Variants in TMEM132D observed in about 807,000 individuals in gnomAD.
TMEM132D encodes mature OL transmembrane protein.
In TMEM132D, 21 loss-of-function variants were observed where a neutral mutation model predicts 62.3. The observed-to-expected ratio is 0.34, with a 90% CI of 0.24 to 0.49. The LOEUF (loss-of-function observed/expected upper bound fraction) is 0.49. Ranked by LOEUF, TMEM132D falls within the 20% of genes least tolerant of loss-of-function variation. The probability of loss-of-function intolerance (pLI) is 0.99; values close to 1 mark genes in which losing one functional copy is unlikely to be tolerated. For missense variants in TMEM132D, 1,346 were observed against 1,402.8 expected, an observed-to-expected ratio of 0.96 and a Z score of 0.65; for synonymous variants, 621 against 575.6, an observed-to-expected ratio of 1.08 and a Z score of -1.13.
rs150672060 is a variant in TMEM132D, at chr12:129,134,166, C to CTG, written c.1444-49466_1444-49465dup. ...TGTGTGTCTGTGTCTGTGTGTGTGT[C>CTG]TGTGTGTGTGTGTCTGTGTGTCTGT... On this transcript the variant is annotated intron_variant, in intron 5 of 8. Coordinates refer to ENST00000422113, the MANE Select transcript of TMEM132D (RefSeq NM_133448.3). Among the ~76,000 whole-genome samples, 7 of 137,978 alleles carry CTG rather than the reference C, an allele frequency of 5.1e-5. No individual in the cohort carries two copies. The East Asian group carries it at 1.1e-3, about 22-fold the overall frequency. 90.5% of individuals were successfully genotyped at this position (137,978 alleles called of 152,430 possible).
At chr12:129,446,892 C>A (rs1454292070) in intron 3 of TMEM132D, among the ~76,000 whole-genome samples, 1 of 152,218 alleles carries the variant, frequency 6.6e-6, no homozygotes, top group Non-Finnish European at 1.5e-5. Context: ...CTGGCATTAA[C>A]TGTCTTTAGG....
chr12:129,146,434 C>A (rs1226996259), intron 5 of TMEM132D, among the ~76,000 whole-genome samples: 1 of 152,190 alleles, frequency 6.6e-6, no homozygotes, highest in Non-Finnish European at 1.5e-5. Context: ...ATTGTCAGAT[C>A]CATTTCTACC....
chr12:129,352,622 AAAG>A (rs1350272775), intron 3 of TMEM132D, among the ~76,000 whole-genome samples: 1 of 152,190 alleles, frequency 6.6e-6, no homozygotes, highest in Non-Finnish European at 1.5e-5. Context: ...ACCCTTCTCA[AAAG>A]AAGACATTTA....
At chr12:129,221,890 A>G (rs1265370680) in intron 4 of TMEM132D, among the ~76,000 whole-genome samples, 1 of 152,164 alleles carries the variant, frequency 6.6e-6, no homozygotes. Context: ...CATAAGAGCT[A>G]TTAGTTGACC....
intron 1 of TMEM132D, among the ~76,000 whole-genome samples, chr12:129,703,592 T>C (rs1336163347): frequency 6.6e-6 from 1 of 152,140 alleles, no homozygotes; most frequent in African/African-American, 2.4e-5. Context: ...AAGGACATGA[T>C]TTTTATTTAA....
intron 4 of TMEM132D, among the ~76,000 whole-genome samples, chr12:129,281,027 T>A (rs7302528): frequency 6.6e-6 from 1 of 151,976 alleles, no homozygotes; most frequent in East Asian, 1.9e-4. Context: ...CTTTCTCTGG[T>A]GAATATGAAA....
At chr12:129,696,153 A>G (rs943254678) in intron 2 of TMEM132D, among the ~76,000 whole-genome samples, 1 of 152,162 alleles carries the variant, frequency 6.6e-6, no homozygotes, top group African/African-American at 2.4e-5. Context: ...TACCAAAACC[A>G]CCAAAGAATA....
intron 1 of TMEM132D, among the ~76,000 whole-genome samples, chr12:129,862,218 T>C (rs565612798): frequency 1.3e-5 from 2 of 152,322 alleles, no homozygotes; most frequent in South Asian, 4.1e-4. Flanking sequence ...TGTTGGCCAG[T>C]TACAGAATGG....
intron 2 of TMEM132D, among the ~76,000 whole-genome samples, chr12:129,571,521 G>C (rs753695814): frequency 6.6e-5 from 10 of 152,038 alleles, no homozygotes; most frequent in Non-Finnish European, 1.3e-4. Flanking sequence ...GCAGTGAGCT[G>C]AGACCACTGC....
At chr12:129,230,293 T>A (rs1261768739) in intron 4 of TMEM132D, among the ~76,000 whole-genome samples, 1 of 146,486 alleles carries the variant, frequency 6.8e-6, no homozygotes, top group Non-Finnish European at 1.5e-5. Flanking sequence ...CTTCCTAAAC[T>A]CCTTCTGTGT....
intron 2 of TMEM132D, among the ~76,000 whole-genome samples, chr12:129,672,821 C>A (rs1880531636): frequency 6.6e-6 from 1 of 152,330 alleles, no homozygotes; most frequent in South Asian, 2.1e-4. Flanking sequence ...TATCTCGGCT[C>A]ACTGCAACCT....
At position 129,161,589 on chromosome 12, in the gene TMEM132D, A is replaced by C. The variant is rs371270259; in HGVS notation, c.1443+47931T>G. Among the ~76,000 whole-genome samples, 8 of 152,182 alleles carry C rather than the reference A, an allele frequency of 5.3e-5. No homozygotes were observed. In the East Asian group the frequency reaches 5.8e-4, roughly 11 times the overall value. On this transcript the variant is annotated intron_variant, in intron 5 of 8. Coordinates refer to ENST00000422113, the MANE Select transcript of TMEM132D (RefSeq NM_133448.3). ...TCTATCAAAATAATTTCCTAGACCC[A>C]TCTTCTCTATTACGGCTTTTGCCTG... is the stretch of plus-strand genomic sequence containing the variant.
intron 3 of TMEM132D, among the ~76,000 whole-genome samples, chr12:129,452,977 C>A (rs941751985): frequency 3.9e-5 from 6 of 152,184 alleles, no homozygotes; most frequent in African/African-American, 1.4e-4. Context: ...AGGTACTGGA[C>A]CCCACAGCAG....
intron 5 of TMEM132D, among the ~76,000 whole-genome samples, chr12:129,097,824 AAC>A (rs925173847): frequency 1.3e-5 from 2 of 152,244 alleles, no homozygotes; most frequent in African/African-American, 4.8e-5. Flanking sequence ...TTATGTCAAA[AAC>A]ACATATTTTT....
At chr12:129,689,470 C>T (rs1881011752) in intron 2 of TMEM132D, among the ~76,000 whole-genome samples, 1 of 152,146 alleles carries the variant, frequency 6.6e-6, no homozygotes, top group South Asian at 2.1e-4. Context: ...CATGTCATGT[C>T]CCAACTCATG....
intron 1 of TMEM132D, among the ~76,000 whole-genome samples, chr12:129,711,718 A>C (rs1868378007): frequency 7.0e-6 from 1 of 141,956 alleles, no homozygotes; most frequent in Non-Finnish European, 1.5e-5. Context: ...CAAGAGCGAA[A>C]TTCCATCTCC....
At chr12:129,441,930 A>C (rs1312811988) in intron 3 of TMEM132D, among the ~76,000 whole-genome samples, 1 of 152,194 alleles carries the variant, frequency 6.6e-6, no homozygotes, top group African/African-American at 2.4e-5. Context: ...AGAGCGGTGC[A>C]CTGGGTACTC....
rs183778820 is a variant in TMEM132D, at chr12:129,295,499, C to T, written c.1299+42135G>A. ...AGGCTGGAGTGCAGTGGCGTGATCT[C>T]GGCTCACTGCAACCTCCACCTCCCG... On this transcript the variant is annotated intron_variant, in intron 4 of 8. Transcript: ENST00000422113. 2.4e-3 allele frequency among the ~76,000 whole-genome samples: 346 copies of T among 145,926 alleles called. 1 individual carries two copies. Among genetic ancestry groups the T allele is most frequent in the African/African-American group, 8.3e-3 (326 of 39,258 alleles).
intron 4 of TMEM132D, among the ~76,000 whole-genome samples, chr12:129,317,596 T>C (rs1274915174): frequency 1.3e-5 from 2 of 152,222 alleles, no homozygotes; most frequent in African/African-American, 4.8e-5. Flanking sequence ...ATCTTGACTT[T>C]AGATAACCTG....
Sources: gnomAD v4.1 joint callset for allele counts (sites outside exome capture counted in the v4.1 genomes callset) on GRCh38, gnomAD v4.1.1 for gene constraint, MANE v1.5 for transcripts, NCBI Gene and HGNC (gene_info 2026-07-23, HGNC 2026-07-21) for gene names.